Variants in KCNIP4 observed in about 807,000 individuals in gnomAD.
KCNIP4 encodes the protein potassium voltage-gated channel interacting protein 4, also known as Kv channel-interacting protein 4.
In KCNIP4, 12 loss-of-function variants were observed where a neutral mutation model predicts 34.0. That is an observed-to-expected ratio of 0.35 (90% CI 0.23 to 0.57). The LOEUF (loss-of-function observed/expected upper bound fraction) is 0.57, where lower values mean the gene tolerates loss of function less well. Among genes scored for constraint, KCNIP4 ranks in the 20% least tolerant of loss-of-function variants. KCNIP4 has a pLI of 0.83. For missense variants in KCNIP4, 238 were observed against 311.7 expected, an observed-to-expected ratio of 0.76 and a Z score of 1.78; for synonymous variants, 124 against 102.2, an observed-to-expected ratio of 1.21 and a Z score of -1.29.
intron 1 of KCNIP4, among the ~76,000 whole-genome samples, chr4:21,137,645 A>G (rs1418406862): frequency 6.6e-6 from 1 of 152,144 alleles, no homozygotes; most frequent in Non-Finnish European, 1.5e-5. Context: ...TCATCTGCTC[A>G]ACAGGTATAA....
At chr4:20,958,505 A>T (rs1733531875) in intron 1 of KCNIP4, among the ~76,000 whole-genome samples, 1 of 152,196 alleles carries the variant, frequency 6.6e-6, no homozygotes, top group Non-Finnish European at 1.5e-5. Context: ...CTTTATAATA[A>T]AAATTGATGA....
chr4:20,952,526 A>G lies in KCNIP4; in HGVS notation c.62-69817T>C, dbSNP rs551338695. ...ATGTAAATTTTGCTGAAACAAAACTATATGTTCAAAGTCATAAGAAACCAT... is the reference window on the plus strand; with the variant it reads ...ATGTAAATTTTGCTGAAACAAAACTGTATGTTCAAAGTCATAAGAAACCAT... On this transcript the variant is annotated intron_variant, in intron 1 of 8. Transcript: ENST00000382152. 5.9e-5 allele frequency among the ~76,000 whole-genome samples: 9 copies of G among 152,294 alleles called. No homozygotes were observed. In the South Asian group the frequency reaches 1.7e-3, roughly 28 times the overall value.
intron 1 of KCNIP4, among the ~76,000 whole-genome samples, chr4:21,910,721 T>C (rs552313067): frequency 4.6e-5 from 7 of 152,316 alleles, no homozygotes; most frequent in African/African-American, 1.7e-4. Context: ...AAGAGGCAAA[T>C]GAAATTTGAT....
intron 1 of KCNIP4, among the ~76,000 whole-genome samples, chr4:21,454,377 T>C (rs1266727296): frequency 1.3e-5 from 2 of 152,052 alleles, no homozygotes; most frequent in Non-Finnish European, 1.5e-5. Context: ...CTCTAAGAGA[T>C]TCTAAGGCAT....
intron 1 of KCNIP4, among the ~76,000 whole-genome samples, chr4:21,199,556 GA>G (rs1756316334): frequency 6.6e-6 from 1 of 152,132 alleles, no homozygotes; most frequent in African/African-American, 2.4e-5. Context: ...TTGCTGTGCA[GA>G]AGCTCTTTAG....
At chr4:21,666,190 A>C (rs1015504303) in intron 1 of KCNIP4, among the ~76,000 whole-genome samples, 1 of 152,206 alleles carries the variant, frequency 6.6e-6, no homozygotes, top group South Asian at 2.1e-4. Flanking sequence ...TTCCTTTTTA[A>C]AAGATGAAGA....
intron 1 of KCNIP4, among the ~76,000 whole-genome samples, chr4:20,937,492 C>T (rs375986502): frequency 6.6e-6 from 1 of 150,758 alleles, no homozygotes; most frequent in Non-Finnish European, 1.5e-5. Context: ...CCTCGGCCTC[C>T]TAAAGGGCTG....
chr4:21,610,037 C>G (rs1397985175), intron 1 of KCNIP4, among the ~76,000 whole-genome samples: 2 of 152,218 alleles, frequency 1.3e-5, no homozygotes, highest in East Asian at 3.9e-4. Context: ...AGATACTTCT[C>G]CTGCTACCTT....
chr4:21,877,223 G>A (rs1005610292), intron 1 of KCNIP4, among the ~76,000 whole-genome samples: 1 of 151,938 alleles, frequency 6.6e-6, no homozygotes. Context: ...TGTGGTGGCG[G>A]GTCCCTGTAA....
At chr4:21,273,973 G>T (rs889896642) in intron 1 of KCNIP4, among the ~76,000 whole-genome samples, 1 of 152,176 alleles carries the variant, frequency 6.6e-6, no homozygotes, top group Non-Finnish European at 1.5e-5. Context: ...TATGCAGCAG[G>T]ACAGGTGTGC....
At chr4:21,058,927 G>T (rs182210826) in intron 1 of KCNIP4, among the ~76,000 whole-genome samples, 3 of 152,058 alleles carry the variant, frequency 2.0e-5, no homozygotes, top group Admixed American at 2.0e-4. Flanking sequence ...TAATTCTCAC[G>T]TGTCATGGGA....
intron 1 of KCNIP4, among the ~76,000 whole-genome samples, chr4:21,870,445 A>G (rs1281692418): frequency 6.6e-6 from 1 of 152,178 alleles, no homozygotes; most frequent in East Asian, 1.9e-4. Context: ...TAACAGTAAA[A>G]AACACACCCC....
chr4:21,248,830 C>G (rs1401898887), intron 1 of KCNIP4, among the ~76,000 whole-genome samples: 2 of 152,122 alleles, frequency 1.3e-5, no homozygotes, highest in African/African-American at 4.8e-5. Flanking sequence ...AACTGAGACT[C>G]ACAGAGGTTA....
chr4:20,899,357 T>C (rs1280936177), intron 1 of KCNIP4, among the ~76,000 whole-genome samples: 1 of 152,184 alleles, frequency 6.6e-6, no homozygotes, highest in Non-Finnish European at 1.5e-5. Flanking sequence ...TGAAATATTG[T>C]CCTTGAAAAC....
At chr4:21,572,014 T>C (rs1274373779) in intron 1 of KCNIP4, among the ~76,000 whole-genome samples, 1 of 152,134 alleles carries the variant, frequency 6.6e-6, no homozygotes, top group Non-Finnish European at 1.5e-5. Flanking sequence ...ATATATATTA[T>C]AGACCTAGCA....
At chr4:21,925,015 T>C (rs1450774488) in intron 1 of KCNIP4, among the ~76,000 whole-genome samples, 1 of 152,166 alleles carries the variant, frequency 6.6e-6, no homozygotes, top group South Asian at 2.1e-4. Flanking sequence ...TCCTCCTTAC[T>C]CACTCTACTC....
chr4:21,320,964 T>TA (rs528123961), intron 1 of KCNIP4, among the ~76,000 whole-genome samples: 5,481 of 102,880 alleles, frequency 0.053, 305 homozygotes, highest in Non-Finnish European at 0.06. Flanking sequence ...GAATCTGTCT[T>TA]AAAAAAAAAA....
At chr4:20,965,320 A>G (rs1345804724) in intron 1 of KCNIP4, among the ~76,000 whole-genome samples, 1 of 152,196 alleles carries the variant, frequency 6.6e-6, no homozygotes, top group Non-Finnish European at 1.5e-5. Flanking sequence ...CACGGAACAC[A>G]TAAGCCAAGT....
At chr4:20,910,712 A>G (rs990119849) in intron 1 of KCNIP4, among the ~76,000 whole-genome samples, 1 of 152,170 alleles carries the variant, frequency 6.6e-6, no homozygotes, top group Admixed American at 6.5e-5. Context: ...ATCCATCCCC[A>G]TGTTAAACTC....
Sources: gnomAD v4.1 joint callset for allele counts (sites outside exome capture counted in the v4.1 genomes callset) on GRCh38, gnomAD v4.1.1 for gene constraint, MANE v1.5 for transcripts, NCBI Gene and HGNC (gene_info 2026-07-23, HGNC 2026-07-21) for gene names.